Variants in MTUS1 observed in about 807,000 individuals in gnomAD.
The protein encoded by MTUS1 is microtubule associated scaffold protein 1, also known as microtubule-associated tumor suppressor 1.
In MTUS1, 109 loss-of-function variants were observed where a neutral mutation model predicts 120.8. The observed-to-expected ratio is 0.90, with a 90% confidence interval of 0.77 to 1.06. The LOEUF (loss-of-function observed/expected upper bound fraction) is 1.06, where lower values mean the gene tolerates loss of function less well. Ranked by LOEUF, MTUS1 falls within the 50% of genes least tolerant of loss-of-function variation. MTUS1 has a pLI of 0.00. For missense variants in MTUS1, 2,210 were observed against 1,486.3 expected (o/e 1.49, Z -8.01); for synonymous variants, 737 against 550.5 (o/e 1.34, Z -4.74).
chr8:17,661,157 T>C (rs1809604871), intron 8 of MTUS1, among the ~76,000 whole-genome samples: 1 of 152,154 alleles, frequency 6.6e-6, no homozygotes, highest in Admixed American at 6.5e-5. Context: ...TTCTGCCAAG[T>C]AACTTTCCGA....
chr8:17,696,790 T>G (rs970711779), intron 6 of MTUS1, among the ~76,000 whole-genome samples: 3 of 152,350 alleles, frequency 2.0e-5, no homozygotes, highest in Admixed American at 2.0e-4. Context: ...CTGTCAGAAG[T>G]GTTTAGTATA....
At position 17,755,682 on chromosome 8, in the gene MTUS1, G is replaced by A. The variant is rs1429818200; in HGVS notation, c.126C>T (p.Ser42=). 4.3e-6 allele frequency: 7 copies of A among 1,614,086 alleles called. No individual in the cohort carries two copies. Among genetic ancestry groups the A allele is most frequent in the Non-Finnish European group, 5.9e-6 (7 of 1,180,038 alleles). The change falls in exon 2 of 15, where the codon AGC becomes AGT. Residue 42 remains serine (S), a synonymous_variant. Transcript: ENST00000693296. ...KSPPTQNSSA[S]SVNWNSANPD... ...GGTTGGCAGAATTCCAGTTCACACT[G>A]CTGGCTGAAGAGTTTTGTGTAGGTG... is the stretch of plus-strand genomic sequence containing the variant.
chr8:17,656,154 A>G (rs1252182084), intron 8 of MTUS1, 89 bp from the exon 9 acceptor site: 1 of 1,153,276 alleles, frequency 8.7e-7, no homozygotes, highest in Admixed American at 1.9e-5. Flanking sequence ...CTGTGATGAC[A>G]CCTGAAGCAT....
chr8:17,666,444 G>A (rs1486217428), intron 8 of MTUS1, among the ~76,000 whole-genome samples: 4 of 151,994 alleles, frequency 2.6e-5, no homozygotes, highest in Non-Finnish European at 4.4e-5. Context: ...CAATTCACTC[G>A]GAGTTACTTC....
rs1376093185 is a variant in MTUS1 at position 17,743,855 on chromosome 8, C to G, written c.2092-56G>C. 10 of 1,478,052 alleles carry G rather than the reference C, an allele frequency of 6.8e-6. No homozygotes were observed. In the Admixed American group the frequency reaches 1.1e-4, roughly 16 times the overall value. The allele number at this position is 1,478,052 out of a possible 1,614,324, so 91.6% of individuals were successfully genotyped here. A position where few individuals can be genotyped will look rare whatever the true frequency, so the allele number is the denominator to read the frequency against. ...AAAACTAAAATTCTAAGCCCCCCAA[C>G]TGACTGAATGGGCCCCTCCTCTAGG... On this transcript the variant is annotated intron_variant, in intron 2 of 14. Coordinates refer to ENST00000693296, the MANE Select transcript of MTUS1 (RefSeq NM_001363059.2).
intron 1 of MTUS1, among the ~76,000 whole-genome samples, chr8:17,787,281 C>A (rs1416664050): frequency 6.6e-6 from 1 of 152,244 alleles, no homozygotes; most frequent in East Asian, 1.9e-4. Flanking sequence ...AGTGTTCCCA[C>A]AGTCATCCTC....
chr8:17,684,115 G>C (rs1815213019), intron 7 of MTUS1, among the ~76,000 whole-genome samples: 1 of 152,014 alleles, frequency 6.6e-6, no homozygotes, highest in African/African-American at 2.4e-5. Context: ...ACAGACTCTA[G>C]GGGAAAAAAA....
chr8:17,703,500 G>C (rs993039353), intron 6 of MTUS1, among the ~76,000 whole-genome samples: 1 of 151,966 alleles, frequency 6.6e-6, no homozygotes, highest in African/African-American at 2.4e-5. Flanking sequence ...TAGCGTGGTG[G>C]TGCGCACCTG....
chr8:17,800,678 T>C (rs530477883), intron 1 of MTUS1: 1 of 152,318 alleles, frequency 6.6e-6, no homozygotes, highest in South Asian at 2.1e-4. Flanking sequence ...CGAGGGGTCT[T>C]TGGGACCTGC....
At chr8:17,694,529 A>G (rs759832477) in intron 6 of MTUS1, among the ~76,000 whole-genome samples, 5 of 151,932 alleles carry the variant, frequency 3.3e-5, no homozygotes, top group Non-Finnish European at 7.4e-5. Flanking sequence ...TTAGCCGGGT[A>G]TGGTGGTGGG....
intron 3 of MTUS1, among the ~76,000 whole-genome samples, chr8:17,736,458 C>T (rs2046935404): frequency 6.6e-6 from 1 of 152,196 alleles, no homozygotes; most frequent in Admixed American, 6.5e-5. Flanking sequence ...CCGCCTGACA[C>T]CCAAATGCCT....
intron 8 of MTUS1, chr8:17,674,446 G>A: frequency 1.0e-6 from 1 of 983,050 alleles, no homozygotes; most frequent in Non-Finnish European, 1.2e-6. Context: ...AAACAGAAAA[G>A]AGAAAAGCAA....
chr8:17,755,163 C>T lies in MTUS1; in HGVS notation c.645G>A (p.Lys215=). 6 of 1,614,100 alleles carry T rather than the reference C, an allele frequency of 3.7e-6. No homozygotes were observed. The highest frequency in any genetic ancestry group is 5.1e-6 in the Non-Finnish European group (6 of 1,180,030). Residue 215 remains lysine, a synonymous_variant, in exon 2 of 15, where the codon AAG becomes AAA. Coordinates refer to ENST00000693296, the MANE Select transcript of MTUS1 (RefSeq NM_001363059.2). ...YSTWTSSHSD[K]THARETTYDR... is the part of the protein sequence containing the mutation. ...CATAAGTAGTTTCTCTTGCATGCGT[C>T]TTATCAGAATGGGAAGATGTCCAAG...
intron 6 of MTUS1, among the ~76,000 whole-genome samples, chr8:17,692,840 CT>C (rs1446133880): frequency 2.6e-5 from 4 of 152,124 alleles, no homozygotes; most frequent in Non-Finnish European, 2.9e-5. Flanking sequence ...ACATGTACCC[CT>C]GAACCTAAAA....
intron 14 of MTUS1, among the ~76,000 whole-genome samples, chr8:17,646,619 G>C (rs1191569200): frequency 6.6e-6 from 1 of 152,034 alleles, no homozygotes; most frequent in Non-Finnish European, 1.5e-5. Flanking sequence ...TGTACTTTTT[G>C]GGCAATTTCA....
Position 17,755,221 on chromosome 8 carries a change from C to A in MTUS1, c.587G>T (p.Arg196Ile). 1 of 1,614,186 alleles carries A rather than the reference C, an allele frequency of 6.2e-7. No individual in the cohort carries two copies. Among genetic ancestry groups the A allele is most frequent in the East Asian group, 2.2e-5 (1 of 44,880 alleles). Residue 196 changes from arginine (R) to isoleucine (I), a missense_variant, in exon 2 of 15, where the codon AGA (arginine) becomes ATA (isoleucine). Transcript: ENST00000693296. ...GGATAAAGAAGATGTACTTCCACTT[C>A]TCCTACCAGTTGGTGGCAGGCTTCC... ...TAGSLPPTGR[R>I]SGSTSSLSYS...
At chr8:17,766,179 T>C (rs1174477048) in intron 1 of MTUS1, among the ~76,000 whole-genome samples, 2 of 152,186 alleles carry the variant, frequency 1.3e-5, no homozygotes, top group Non-Finnish European at 2.9e-5. Flanking sequence ...ATCATAAAAC[T>C]GAAAGCATAC....
At chr8:17,659,773 G>A (rs551430368) in intron 8 of MTUS1, among the ~76,000 whole-genome samples, 1 of 152,310 alleles carries the variant, frequency 6.6e-6, no homozygotes, top group African/African-American at 2.4e-5. Flanking sequence ...GTATGATTCA[G>A]TGGCATTGAA....
intron 3 of MTUS1, among the ~76,000 whole-genome samples, chr8:17,735,660 G>A (rs569615425): frequency 4.6e-5 from 7 of 152,322 alleles, no homozygotes; most frequent in African/African-American, 1.2e-4. Flanking sequence ...AAATGTCACC[G>A]CCTCTCCTCC....
Sources: allele counts gnomAD v4.1 joint callset (sites outside exome capture counted in the v4.1 genomes callset), GRCh38; gene constraint gnomAD v4.1.1; transcripts MANE v1.5; gene names NCBI Gene and HGNC (gene_info 2026-07-23, HGNC 2026-07-21).